Variants in GALNT18 observed in about 807,000 individuals in gnomAD.
The protein encoded by GALNT18 is GalNAc-transferase 18.
A neutral mutation model predicts 69.5 loss-of-function variants in GALNT18; 44 were observed. The ratio of observed to expected loss-of-function variants is 0.63; its 90% CI spans 0.50 to 0.81. GALNT18 has a LOEUF of 0.81. Ranked by LOEUF, GALNT18 falls within the 40% of genes least tolerant of loss-of-function variation. The pLI is 0.00. For missense variants in GALNT18, 715 were observed against 810.0 expected, an observed-to-expected ratio of 0.88 and a Z score of 1.42; for synonymous variants, 364 against 318.2, an observed-to-expected ratio of 1.14 and a Z score of -1.53.
At position 11,372,664 on chromosome 11, in the gene GALNT18, G is replaced by A. The variant is rs188591027; in HGVS notation, c.978-35C>T. On this transcript the variant is annotated intron_variant, in intron 5 of 10. Coordinates refer to ENST00000227756, the MANE Select transcript of GALNT18 (RefSeq NM_198516.3). This position sits in a 1 kb window ranked among gnomAD's most constrained non-coding sequence, Gnocchi z 4.9. Reference sequence around the variant, plus strand: ...CAGGGGAGAGCAGAAGGGCTGTCTGGTGCAGCTGTCCGAGGAGTAAGAGCA... The same window carrying A: ...CAGGGGAGAGCAGAAGGGCTGTCTGATGCAGCTGTCCGAGGAGTAAGAGCA... 105 of 1,550,698 alleles carry A rather than the reference G, an allele frequency of 6.8e-5. No individual in the cohort carries two copies. In the African/African-American group the frequency reaches 1.0e-3, roughly 15 times the overall value.
At position 11,549,675 on chromosome 11, in the gene GALNT18, A is replaced by G. The variant is rs889181217; in HGVS notation, c.235+71684T>C. Among the ~76,000 whole-genome samples the G allele has an allele frequency of 4.6e-5, 7 of 152,112 alleles. No homozygotes were observed. The East Asian group carries it at 1.4e-3, about 29-fold the overall frequency. ...TCCCATTATCCCCATTTCCTCCCCAACATTGCATACAGGTGGTTTTTATTT... is the reference window on the plus strand; with the variant it reads ...TCCCATTATCCCCATTTCCTCCCCAGCATTGCATACAGGTGGTTTTTATTT... On this transcript the variant is annotated intron_variant, in intron 1 of 10. Transcript: ENST00000227756.
chr11:11,376,148 C>T (rs765464047), intron 5 of GALNT18, among the ~76,000 whole-genome samples: 8 of 152,102 alleles, frequency 5.3e-5, no homozygotes, highest in Non-Finnish European at 8.8e-5. Flanking sequence ...TTTGGGAGGC[C>T]GAGGCGGGTA....
chr11:11,484,593 C>CAAAAAAAAAAAAAAAAAAAAAAAAAA (rs1159968814), intron 1 of GALNT18, among the ~76,000 whole-genome samples: 1 of 83,066 alleles, frequency 1.2e-5, no homozygotes. Flanking sequence ...AACTCCATCT[C>CAAAAAAAAAAAAAAAAAAAAAAAAAA]AAAAAAAAAA....
At chr11:11,305,680 T>G (rs530556443) in intron 9 of GALNT18, among the ~76,000 whole-genome samples, 2 of 152,220 alleles carry the variant, frequency 1.3e-5, no homozygotes, top group East Asian at 3.9e-4. Flanking sequence ...TCCGAGGATG[T>G]TGGCAGAATT....
rs950438748 is a variant in GALNT18 at position 11,602,330 on chromosome 11, T to C, written c.235+19029A>G. Among the ~76,000 whole-genome samples the C allele has an allele frequency of 6.6e-6, 1 of 152,102 alleles. No individual in the cohort carries two copies. Among genetic ancestry groups the C allele is most frequent in the Non-Finnish European group, 1.5e-5 (1 of 68,020 alleles). ...TCAACACAGGGTAAAGCTTCCACCC[T>C]GTAAGTAGGGGCAGCCCCAGACCAC... On this transcript the variant is annotated intron_variant, in intron 1 of 10. Transcript: ENST00000227756. The surrounding 1 kb of genome is among the most constrained non-coding windows in gnomAD (Gnocchi z 4.7).
In GALNT18 at chr11:11,383,155, C is replaced by T. The variant is rs985432403; in HGVS notation, c.596-3891G>A. On this transcript the variant is annotated intron_variant, in intron 3 of 10. Transcript: ENST00000227756. The surrounding 1 kb of genome is among the most constrained non-coding windows in gnomAD (Gnocchi z 5.2). ...TCACAGGCCACTCTCCACATCCCCACGGGGAGCCTCCTCTCCGGGCCTGCT... is the reference window on the plus strand; with the variant it reads ...TCACAGGCCACTCTCCACATCCCCATGGGGAGCCTCCTCTCCGGGCCTGCT... Among the ~76,000 whole-genome samples, 3 of 152,150 alleles carry T rather than the reference C, an allele frequency of 2.0e-5. No homozygotes were observed. Among genetic ancestry groups the T allele is most frequent in the African/African-American group, 4.8e-5 (2 of 41,456 alleles).
chr11:11,311,961 A>G (rs1285541437), intron 9 of GALNT18, among the ~76,000 whole-genome samples: 1 of 152,038 alleles, frequency 6.6e-6, no homozygotes, highest in East Asian at 1.9e-4. Context: ...TCCATGTGTA[A>G]GTTTCCTTTT....
rs140270911 is a variant in GALNT18 at position 11,347,402 on chromosome 11, T to G, written c.1093-6398A>C. On this transcript the variant is annotated intron_variant, in intron 6 of 10. Transcript: ENST00000227756. The surrounding 1 kb of genome is among the most constrained non-coding windows in gnomAD (Gnocchi z 4.0). The stretch of plus-strand genomic sequence containing the variant: ...GATGGCAAATGAGTTTACACTCCTG[T>G]GTGAAATCCATTTGCTTGTTAATAT... Among the ~76,000 whole-genome samples the G allele has an allele frequency of 2.0e-5, 3 of 152,314 alleles. No homozygotes were observed. The East Asian group carries it at 5.8e-4, about 29-fold the overall frequency.
In GALNT18 at chr11:11,356,290, C is replaced by T. The variant is rs556975827; in HGVS notation, c.1093-15286G>A. Among the ~76,000 whole-genome samples, 20 of 152,182 alleles carry T rather than the reference C, an allele frequency of 1.3e-4. No homozygotes were observed. Among genetic ancestry groups the T allele is most frequent in the Non-Finnish European group, 2.6e-4 (18 of 68,030 alleles). On this transcript the variant is annotated intron_variant, in intron 6 of 10. Coordinates refer to ENST00000227756, the MANE Select transcript of GALNT18 (RefSeq NM_198516.3). This position sits in a 1 kb window ranked among gnomAD's most constrained non-coding sequence, Gnocchi z 4.4. ...GTTCTTCTGAGGAAATGATTCTGGC[C>T]TTGCTTGGTGGTCTCTTCCAGGAAA...
In GALNT18 at chr11:11,292,825, A is replaced by G. The variant is rs117028042; in HGVS notation, c.1677+204T>C. ...CTCAGAGCCAATATCACAGGGGTCAATAGTCAACACATGAGACCCACAGCA... is the reference window on the plus strand; with the variant it reads ...CTCAGAGCCAATATCACAGGGGTCAGTAGTCAACACATGAGACCCACAGCA... On this transcript the variant is annotated intron_variant, in intron 10 of 10. Transcript: ENST00000227756. Among the ~76,000 whole-genome samples, 54 of 152,352 alleles carry G rather than the reference A, an allele frequency of 3.5e-4. No individual in the cohort carries two copies. The East Asian group carries it at 8.7e-3, about 24-fold the overall frequency.
chr11:11,584,859 A>C lies in GALNT18; in HGVS notation c.235+36500T>G, dbSNP rs1207391126. On this transcript the variant is annotated intron_variant, in intron 1 of 10. Coordinates refer to ENST00000227756, the MANE Select transcript of GALNT18 (RefSeq NM_198516.3). The surrounding 1 kb of genome is among the most constrained non-coding windows in gnomAD (Gnocchi z 4.1). Reference sequence around the variant, plus strand: ...CTTGGGAATTTGGTGAACTTTTCTCAAAGTCTTGTCACTCCAAGGAAAATA... The same window carrying C: ...CTTGGGAATTTGGTGAACTTTTCTCCAAGTCTTGTCACTCCAAGGAAAATA... Among the ~76,000 whole-genome samples the C allele has an allele frequency of 1.3e-5, 2 of 152,228 alleles. No individual in the cohort carries two copies. Among genetic ancestry groups the C allele is most frequent in the Non-Finnish European group, 2.9e-5 (2 of 68,040 alleles).
Position 11,600,035 on chromosome 11 carries a change from C to G in GALNT18, c.235+21324G>C, listed in dbSNP as rs1859597007. Among the ~76,000 whole-genome samples the G allele has an allele frequency of 1.3e-5, 2 of 151,936 alleles. No homozygotes were observed. Among genetic ancestry groups the G allele is most frequent in the South Asian group, 4.2e-4 (2 of 4,818 alleles). Reference sequence around the variant, plus strand: ...CTAGTGAAATATAGAAAATTTAGTCCTATATAATTCTATTCCCTCCTCCAT... The same window carrying G: ...CTAGTGAAATATAGAAAATTTAGTCGTATATAATTCTATTCCCTCCTCCAT... On this transcript the variant is annotated intron_variant, in intron 1 of 10. Transcript: ENST00000227756. This position sits in a 1 kb window ranked among gnomAD's most constrained non-coding sequence, Gnocchi z 4.8.
chr11:11,474,673 T>C (rs1425579527), intron 1 of GALNT18, among the ~76,000 whole-genome samples: 1 of 152,182 alleles, frequency 6.6e-6, no homozygotes, highest in African/African-American at 2.4e-5. Context: ...TAAAGGTGGA[T>C]TCATTCATTC....
At position 11,564,144 on chromosome 11, in the gene GALNT18, G is replaced by C. The variant is rs1190516237; in HGVS notation, c.235+57215C>G. On this transcript the variant is annotated intron_variant, in intron 1 of 10. Coordinates refer to ENST00000227756, the MANE Select transcript of GALNT18 (RefSeq NM_198516.3). This position sits in a 1 kb window ranked among gnomAD's most constrained non-coding sequence, Gnocchi z 4.3. ...AGTTGAAGGAACTTGAGCATAGAGA[G>C]GTAGAACAACTTTCCCAAGGCCAGA... Among the ~76,000 whole-genome samples, 1 of 152,160 alleles carries C rather than the reference G, an allele frequency of 6.6e-6. No homozygotes were observed.
intron 7 of GALNT18, among the ~76,000 whole-genome samples, chr11:11,335,307 T>C (rs1436295087): frequency 6.6e-6 from 1 of 152,212 alleles, no homozygotes; most frequent in Admixed American, 6.5e-5. Flanking sequence ...TTTCTGAATA[T>C]CAAGTCCCCT....
rs553743257 is a variant in GALNT18, at chr11:11,325,918, TCA to T, written c.1512+1166_1512+1167del. Among the ~76,000 whole-genome samples, 411 of 151,796 alleles carry T rather than the reference TCA, an allele frequency of 2.7e-3. 2 individuals are homozygous for T. Among genetic ancestry groups the T allele is most frequent in the African/African-American group, 9.1e-3 (374 of 41,084 alleles). On this transcript the variant is annotated intron_variant, in intron 9 of 10. Coordinates refer to ENST00000227756, the MANE Select transcript of GALNT18 (RefSeq NM_198516.3). ...GACAATCCCTGGGAAGGCTCAGCAT[TCA>T]CACACAGAGTGACATACACGTCATG...
At chr11:11,330,124 G>A (rs147668548) in intron 8 of GALNT18, among the ~76,000 whole-genome samples, 227 of 152,242 alleles carry the variant, frequency 1.5e-3, no homozygotes, top group African/African-American at 4.5e-3. Flanking sequence ...CACACGATGG[G>A]GCCCACAGGT....
intron 1 of GALNT18, among the ~76,000 whole-genome samples, chr11:11,528,076 G>A (rs929016729): frequency 1.3e-5 from 2 of 152,216 alleles, no homozygotes; most frequent in African/African-American, 4.8e-5. Context: ...CTGAGTCCTA[G>A]AGAATGTTAC....
At chr11:11,452,477 T>A (rs1447700042) in intron 1 of GALNT18, among the ~76,000 whole-genome samples, 7 of 152,200 alleles carry the variant, frequency 4.6e-5, no homozygotes, top group Non-Finnish European at 1.0e-4. Flanking sequence ...CCGCCGGAGT[T>A]GGGACAGGAA....
Sources: allele counts gnomAD v4.1 joint callset (sites outside exome capture counted in the v4.1 genomes callset), GRCh38; gene constraint gnomAD v4.1.1; non-coding constraint Gnocchi (gnomAD v3.1); transcripts MANE v1.5; gene names NCBI Gene and HGNC (gene_info 2026-07-23, HGNC 2026-07-21).